Variants in GREB1L observed in about 807,000 individuals in gnomAD.
GREB1L encodes the protein GREB1 like retinoic acid receptor coactivator.
GREB1L carries 17 observed loss-of-function variants against 200.8 expected under a neutral mutation model. The observed-to-expected ratio is 0.08, with a 90% CI of 0.06 to 0.13. GREB1L has a LOEUF of 0.13. Ranked by LOEUF, GREB1L falls within the 10% of genes least tolerant of loss-of-function variation. GREB1L has a pLI of 1.00. For missense variants in GREB1L, 1,657 were observed against 2,367.7 expected, an observed-to-expected ratio of 0.70 and a Z score of 6.23; for synonymous variants, 789 against 893.0, an observed-to-expected ratio of 0.88 and a Z score of 2.08.
intron 17 of GREB1L, among the ~76,000 whole-genome samples, chr18:21,484,659 A>G (rs768325392): frequency 2.0e-5 from 3 of 152,070 alleles, no homozygotes; most frequent in Non-Finnish European, 4.4e-5. Flanking sequence ...TCTCCTAAAA[A>G]TGCAAAAAAA....
chr18:21,521,647 T>G (rs2037601130), intron 32 of GREB1L, among the ~76,000 whole-genome samples: 2 of 152,056 alleles, frequency 1.3e-5, no homozygotes, highest in South Asian at 2.1e-4. Context: ...AGGCTGCTGC[T>G]TGCTGGCATA....
intron 7 of GREB1L, among the ~76,000 whole-genome samples, chr18:21,438,694 C>T (rs545575285): frequency 3.9e-4 from 59 of 151,044 alleles, no homozygotes; most frequent in Middle Eastern, 3.5e-3. Flanking sequence ...CACGGTGGCT[C>T]ATGCCTGTAA....
At chr18:21,277,533 T>C (rs1006383876) in intron 1 of GREB1L, among the ~76,000 whole-genome samples, 1 of 152,210 alleles carries the variant, frequency 6.6e-6, no homozygotes, top group Admixed American at 6.5e-5. Context: ...TTTCAATCCT[T>C]AGCCCCTTTT....
intron 1 of GREB1L, among the ~76,000 whole-genome samples, chr18:21,246,711 A>G (rs1341762467): frequency 6.6e-6 from 1 of 152,182 alleles, no homozygotes; most frequent in East Asian, 1.9e-4. Context: ...GTCTATGGTA[A>G]TATTTATTAG....
intron 27 of GREB1L, among the ~76,000 whole-genome samples, chr18:21,513,546 C>T (rs752925162): frequency 4.3e-4 from 65 of 152,200 alleles, no homozygotes; most frequent in Non-Finnish European, 8.7e-4. Flanking sequence ...TGGTTCATAC[C>T]ATTTGCATCC....
chr18:21,505,994 T>A (rs561147892), intron 25 of GREB1L, 45 bp downstream of exon 25: 1 of 1,524,392 alleles, frequency 6.6e-7, no homozygotes, highest in Admixed American at 2.1e-5. Flanking sequence ...CCAGTATGGA[T>A]TTTGTATGTA....
At chr18:21,351,684 G>A (rs1281337940) in intron 1 of GREB1L, among the ~76,000 whole-genome samples, 4 of 152,008 alleles carry the variant, frequency 2.6e-5, no homozygotes, top group Non-Finnish European at 5.9e-5. Context: ...TAGGTGATAA[G>A]TTTCAATAGG....
intron 1 of GREB1L, among the ~76,000 whole-genome samples, chr18:21,262,758 C>G (rs554618046): frequency 6.6e-6 from 1 of 152,216 alleles, no homozygotes; most frequent in African/African-American, 2.4e-5. Flanking sequence ...GATATCAACC[C>G]ATGGAAATGG....
chr18:21,250,970 T>G (rs866508550), intron 1 of GREB1L, among the ~76,000 whole-genome samples: 2 of 152,248 alleles, frequency 1.3e-5, no homozygotes, highest in African/African-American at 4.8e-5. Flanking sequence ...TGCATATTTA[T>G]ATATAATCAA....
At chr18:21,385,606 T>C (rs75710109) in intron 4 of GREB1L, among the ~76,000 whole-genome samples, 2 of 152,206 alleles carry the variant, frequency 1.3e-5, no homozygotes, top group Non-Finnish European at 2.9e-5. Flanking sequence ...TTATTCATTA[T>C]TGACATAATA....
intron 1 of GREB1L, among the ~76,000 whole-genome samples, chr18:21,270,570 G>A (rs544110717): frequency 5.3e-5 from 8 of 152,320 alleles, no homozygotes; most frequent in Admixed American, 3.9e-4. Flanking sequence ...CTCTTCGAGT[G>A]TCCTCTCTCA....
Position 21,513,755 on chromosome 18 carries a change from T to C in GREB1L, c.4736-66T>C, listed in dbSNP as rs549387498. 145 of 1,439,804 alleles carry C rather than the reference T, an allele frequency of 1.0e-4. No individual in the cohort carries two copies. In the South Asian group the frequency reaches 1.7e-3, roughly 17 times the overall value. 89.2% of individuals were successfully genotyped at this position (1,439,804 alleles called of 1,614,324 possible). On this transcript the variant is annotated intron_variant, in intron 27 of 32. Coordinates refer to ENST00000424526, the MANE Select transcript of GREB1L (RefSeq NM_001142966.3). ...TCTGTGGAGAGAATATAGCTGCCTG[T>C]GGGGCTTCAGCCAAGCCTGAGTGAA...
At chr18:21,306,552 T>TA (rs2038703488) in intron 1 of GREB1L, among the ~76,000 whole-genome samples, 1 of 152,230 alleles carries the variant, frequency 6.6e-6, no homozygotes, top group East Asian at 1.9e-4. Flanking sequence ...TCCTTGCAGA[T>TA]AAGAGTCTGA....
intron 2 of GREB1L, among the ~76,000 whole-genome samples, chr18:21,379,770 C>T (rs2040228028): frequency 6.6e-6 from 1 of 152,166 alleles, no homozygotes; most frequent in Non-Finnish European, 1.5e-5. Flanking sequence ...TCTCCTCCAA[C>T]CTTCCCCCTG....
intron 7 of GREB1L, among the ~76,000 whole-genome samples, chr18:21,420,389 AAAAG>A (rs2032055299): frequency 6.6e-6 from 1 of 151,832 alleles, no homozygotes; most frequent in Non-Finnish European, 1.5e-5. Context: ...AAAAAAAAAG[AAAAG>A]AAAAGCCACA....
At chr18:21,294,429 A>G (rs2038496856) in intron 1 of GREB1L, among the ~76,000 whole-genome samples, 1 of 152,146 alleles carries the variant, frequency 6.6e-6, no homozygotes, top group East Asian at 1.9e-4. Flanking sequence ...AGGAGATAAC[A>G]TGGAAGTGAG....
chr18:21,359,194 G>A (rs950891171), intron 1 of GREB1L, among the ~76,000 whole-genome samples: 13 of 152,234 alleles, frequency 8.5e-5, no homozygotes, highest in African/African-American at 3.1e-4. Context: ...AATGGCTCAC[G>A]CCTGTAATCC....
intron 1 of GREB1L, among the ~76,000 whole-genome samples, chr18:21,337,880 G>A (rs1294316794): frequency 1.3e-5 from 2 of 151,930 alleles, no homozygotes; most frequent in African/African-American, 4.8e-5. Flanking sequence ...CCAGCTACTC[G>A]GGAGGCTGAG....
At chr18:21,501,721 G>A (rs2036802643) in intron 23 of GREB1L, among the ~76,000 whole-genome samples, 2 of 152,220 alleles carry the variant, frequency 1.3e-5, no homozygotes, top group Non-Finnish European at 2.9e-5. Context: ...TTGTTGATTG[G>A]TCAGAGTATG....
Sources: allele counts gnomAD v4.1 joint callset (sites outside exome capture counted in the v4.1 genomes callset), GRCh38; gene constraint gnomAD v4.1.1; transcripts MANE v1.5; gene names NCBI Gene and HGNC (gene_info 2026-07-23, HGNC 2026-07-21).